The following ADAM12 variants were observed in gnomAD, a reference collection of about 807,000 sequenced individuals.
The protein encoded by ADAM12 is disintegrin and metalloproteinase domain-containing protein 12.
In ADAM12, 70 loss-of-function variants were observed where a neutral mutation model predicts 106.4. That is an observed-to-expected ratio of 0.66 (90% CI 0.54 to 0.80). ADAM12 has a LOEUF of 0.80. Among genes scored for constraint, ADAM12 ranks in the 30% least tolerant of loss-of-function variants. ADAM12 has a pLI of 0.00. For synonymous variants in ADAM12, 420 were observed against 433.5 expected (o/e 0.97, Z 0.39); for missense variants, 1,010 against 1,171.9 (o/e 0.86, Z 2.02).
chr10:126,130,405 T>TGAG (rs1317452551), intron 5 of ADAM12, among the ~76,000 whole-genome samples: 1 of 152,066 alleles, frequency 6.6e-6, no homozygotes, highest in Non-Finnish European at 1.5e-5. Flanking sequence ...GCGCCCACAG[T>TGAG]GAGGAGTTCA....
chr10:126,253,879 GT>G (rs1958836557), intron 3 of ADAM12, among the ~76,000 whole-genome samples: 1 of 152,164 alleles, frequency 6.6e-6, no homozygotes, highest in African/African-American at 2.4e-5. Flanking sequence ...AGCCCTCCCC[GT>G]TTCTCTTCAC....
chr10:126,045,950 G>T, intron 17 of ADAM12, 105 bp downstream of exon 17: 3 of 953,646 alleles, frequency 3.1e-6, no homozygotes, highest in South Asian at 1.4e-5. Context: ...CACAATAACT[G>T]CTCTATTTAA....
intron 1 of ADAM12, among the ~76,000 whole-genome samples, chr10:126,345,112 G>A (rs1855086373): frequency 6.6e-6 from 1 of 152,166 alleles, no homozygotes; most frequent in Non-Finnish European, 1.5e-5. Context: ...AGTTTTGAAA[G>A]GGAATGCTTC....
At chr10:126,251,535 AGATGGAT>A (rs1958751429) in intron 3 of ADAM12, among the ~76,000 whole-genome samples, 1 of 146,928 alleles carries the variant, frequency 6.8e-6, no homozygotes, top group Non-Finnish European at 1.5e-5. Flanking sequence ...CAGGATGGAT[AGATGGAT>A]GGATAGGATA....
At position 126,066,981 on chromosome 10, in the gene ADAM12, G is replaced by C. The variant is rs1954885264; in HGVS notation, c.1324-175C>G. The C allele has an allele frequency of 3.3e-6, 2 of 607,290 alleles. No individual in the cohort carries two copies. The allele number at this position is 607,290 out of a possible 1,614,324, so 37.6% of individuals were successfully genotyped here. On this transcript the variant is annotated intron_variant, in intron 12 of 22. Transcript: ENST00000448723. The surrounding 1 kb of genome is among the most constrained non-coding windows in gnomAD (Gnocchi z 5.1). ...GGAAAGCAAAGCTTCTGCTTTTTAT[G>C]AACCAACTGGGTCTACGAGTCCCTG...
At chr10:126,059,172 T>C (rs1260434335) in intron 14 of ADAM12, among the ~76,000 whole-genome samples, 1 of 152,038 alleles carries the variant, frequency 6.6e-6, no homozygotes, top group Non-Finnish European at 1.5e-5. Flanking sequence ...TGTCATTATA[T>C]TTTTTTTGAA....
At chr10:126,027,800 A>G (rs1356309414) in intron 21 of ADAM12, among the ~76,000 whole-genome samples, 1 of 152,058 alleles carries the variant, frequency 6.6e-6, no homozygotes, top group Non-Finnish European at 1.5e-5. Flanking sequence ...AACCAGCACA[A>G]GATGCCCTCT....
At chr10:126,222,204 C>T (rs1958108049) in intron 3 of ADAM12, among the ~76,000 whole-genome samples, 1 of 152,138 alleles carries the variant, frequency 6.6e-6, no homozygotes, top group South Asian at 2.1e-4. Context: ...ATGGCATATT[C>T]TGGGTTTCTG....
At chr10:126,361,600 T>C (rs1295966533) in intron 1 of ADAM12, among the ~76,000 whole-genome samples, 2 of 152,018 alleles carry the variant, frequency 1.3e-5, no homozygotes, top group Admixed American at 6.5e-5. Flanking sequence ...CATCAACCAA[T>C]GGAATAGAAC....
At chr10:126,213,117 A>C (rs1053024567) in intron 3 of ADAM12, among the ~76,000 whole-genome samples, 1 of 152,172 alleles carries the variant, frequency 6.6e-6, no homozygotes, top group African/African-American at 2.4e-5. Flanking sequence ...AGCAGATAAT[A>C]AGTGCTCAAT....
At chr10:126,283,255 C>T (rs1257974712) in intron 2 of ADAM12, among the ~76,000 whole-genome samples, 1 of 152,110 alleles carries the variant, frequency 6.6e-6, no homozygotes, top group Non-Finnish European at 1.5e-5. Context: ...GCTCACCTCG[C>T]CTGCTGCCGT....
intron 21 of ADAM12, 116 bp from the exon 22 acceptor site, chr10:126,019,941 T>C: frequency 7.9e-7 from 1 of 1,260,808 alleles, no homozygotes; most frequent in Non-Finnish European, 1.1e-6. Context: ...CCTGTCACCA[T>C]ACAAGGTGGG....
chr10:126,376,511 A>G (rs1012547359), intron 1 of ADAM12, among the ~76,000 whole-genome samples: 2 of 152,262 alleles, frequency 1.3e-5, no homozygotes, highest in Admixed American at 1.3e-4. Context: ...AAATAGTGAT[A>G]CCATCTAAAG....
At chr10:126,351,429 C>T (rs994871958) in intron 1 of ADAM12, among the ~76,000 whole-genome samples, 1 of 152,200 alleles carries the variant, frequency 6.6e-6, no homozygotes, top group Non-Finnish European at 1.5e-5. Context: ...AAGCCTCCTA[C>T]AAGAAATGGT....
intron 18 of ADAM12, chr10:126,041,766 C>T: frequency 9.3e-7 from 1 of 1,071,736 alleles, no homozygotes; most frequent in Non-Finnish European, 1.1e-6. Context: ...TGGGCCCAAC[C>T]CTTGCTTCTC....
chr10:126,267,824 C>T (rs537480967), intron 3 of ADAM12, among the ~76,000 whole-genome samples: 6 of 131,820 alleles, frequency 4.6e-5, no homozygotes, highest in South Asian at 2.5e-4. Flanking sequence ...AGGTGGGGGG[C>T]GGTGGGGGTG....
chr10:126,129,481 C>G (rs1333700985), intron 5 of ADAM12, among the ~76,000 whole-genome samples: 1 of 152,296 alleles, frequency 6.6e-6, no homozygotes, highest in Middle Eastern at 3.4e-3. Context: ...CTCTTCCCAT[C>G]TCAGTGACAG....
intron 4 of ADAM12, among the ~76,000 whole-genome samples, chr10:126,150,315 T>C (rs1956706423): frequency 1.3e-5 from 2 of 152,176 alleles, no homozygotes; most frequent in Admixed American, 6.5e-5. Context: ...GCCCTGCCCA[T>C]CACTTATTTA....
At chr10:126,356,659 A>C (rs1855552224) in intron 1 of ADAM12, among the ~76,000 whole-genome samples, 1 of 152,252 alleles carries the variant, frequency 6.6e-6, no homozygotes, top group Non-Finnish European at 1.5e-5. Flanking sequence ...ATGGATATCT[A>C]TAAAGTGATA....
Sources: allele counts gnomAD v4.1 joint callset (sites outside exome capture counted in the v4.1 genomes callset), GRCh38; gene constraint gnomAD v4.1.1; non-coding constraint Gnocchi (gnomAD v3.1); transcripts MANE v1.5; gene names NCBI Gene and HGNC (gene_info 2026-07-23, HGNC 2026-07-21).